Variants in LGSN observed in about 807,000 individuals in gnomAD.
LGSN encodes the protein lengsin, lens protein with glutamine synthetase domain.
In LGSN, 21 loss-of-function variants were observed where a neutral mutation model predicts 19.5. That is an observed-to-expected ratio of 1.07 (90% CI 0.76 to 1.55). LGSN has a LOEUF of 1.55. Ranked by LOEUF, LGSN falls within the 40% of genes most tolerant of loss-of-function variation. The pLI is 0.00. For missense variants in LGSN, 673 were observed against 608.5 expected (o/e 1.11, Z -1.12); for synonymous variants, 257 against 215.6 (o/e 1.19, Z -1.68).
At chr6:63,400,162 G>A in the LGSN span, among the ~76,000 whole-genome samples, 1 of 152,102 alleles carries the variant, frequency 6.6e-6, no homozygotes, top group Non-Finnish European at 1.5e-5. Context: ...GTTGAATCAA[G>A]TCCATGAAAC....
chr6:63,547,263 C>T, the LGSN span, among the ~76,000 whole-genome samples: 1 of 148,684 alleles, frequency 6.7e-6, no homozygotes, highest in African/African-American at 2.5e-5. Flanking sequence ...GATCTCAGCA[C>T]ACTGCAACCT....
At chr6:63,479,811 CT>C in the LGSN span, among the ~76,000 whole-genome samples, 1 of 152,324 alleles carries the variant, frequency 6.6e-6, no homozygotes, top group East Asian at 1.9e-4. Context: ...ATCTGAGACT[CT>C]GTTTAATTGA....
At chr6:63,295,109 C>G in intron 1 of LGSN, 64 bp from the exon 2 acceptor site, 1 of 1,481,582 alleles carries the variant, frequency 6.7e-7, no homozygotes, top group Non-Finnish European at 9.4e-7. Flanking sequence ...ATTTGGATGT[C>G]GAAAGAGTAT....
At chr6:63,469,877 C>G in the LGSN span, among the ~76,000 whole-genome samples, 2 of 152,046 alleles carry the variant, frequency 1.3e-5, no homozygotes, top group African/African-American at 2.4e-5. Context: ...CCACCACACC[C>G]GGCTAATTTT....
the LGSN span, chr6:63,395,856 T>A: frequency 6.5e-6 from 1 of 154,224 alleles, no homozygotes; most frequent in East Asian, 1.9e-4. Flanking sequence ...AACTGGGGCT[T>A]TCCTGGGCTC....
chr6:63,526,803 G>GTATATATATATA, the LGSN span, among the ~76,000 whole-genome samples: 681 of 101,346 alleles, frequency 6.7e-3, 6 homozygotes, highest in African/African-American at 0.012. Flanking sequence ...TCTCAAAAAT[G>GTATATATATATA]TATATATATA....
At chr6:63,513,174 A>G in the LGSN span, among the ~76,000 whole-genome samples, 1 of 152,178 alleles carries the variant, frequency 6.6e-6, no homozygotes, top group African/African-American at 2.4e-5. Flanking sequence ...TAGCTGTCAT[A>G]GTTCTAAATA....
the LGSN span, among the ~76,000 whole-genome samples, chr6:63,407,676 C>A: frequency 2.2e-4 from 34 of 152,206 alleles, no homozygotes; most frequent in Non-Finnish European, 3.4e-4. Flanking sequence ...GAAGTTCTGG[C>A]CAGGGCAATT....
At chr6:63,416,804 G>C in the LGSN span, among the ~76,000 whole-genome samples, 1 of 152,030 alleles carries the variant, frequency 6.6e-6, no homozygotes, top group Non-Finnish European at 1.5e-5. Flanking sequence ...CTGACCTCAA[G>C]TGATCTGCCC....
At chr6:63,415,490 G>C in the LGSN span, among the ~76,000 whole-genome samples, 2 of 152,192 alleles carry the variant, frequency 1.3e-5, no homozygotes, top group Non-Finnish European at 2.9e-5. Context: ...GAAAGGAGAA[G>C]TGCCGAGGGA....
At chr6:63,392,881 C>CTTTT in the LGSN span, among the ~76,000 whole-genome samples, 166 of 109,884 alleles carry the variant, frequency 1.5e-3, no homozygotes, top group Non-Finnish European at 1.9e-3. Context: ...TCTTCTTCTT[C>CTTTT]TTTTTTTTTT....
At chr6:63,415,543 C>T in the LGSN span, among the ~76,000 whole-genome samples, 1 of 152,176 alleles carries the variant, frequency 6.6e-6, no homozygotes, top group Non-Finnish European at 1.5e-5. Flanking sequence ...CTTATAAGAA[C>T]TCACTATCAT....
the LGSN span, among the ~76,000 whole-genome samples, chr6:63,374,619 G>A: frequency 5.9e-5 from 9 of 152,194 alleles, no homozygotes; most frequent in Non-Finnish European, 8.8e-5. Flanking sequence ...TACTGCCACT[G>A]TAACAAATTA....
chr6:63,364,281 C>CA, the LGSN span, among the ~76,000 whole-genome samples: 1 of 151,828 alleles, frequency 6.6e-6, no homozygotes, highest in Non-Finnish European at 1.5e-5. Context: ...AAACGGGTTG[C>CA]AATCCCAGTC....
intron 1 of LGSN, among the ~76,000 whole-genome samples, chr6:63,295,797 C>T (rs1767960077): frequency 6.6e-6 from 1 of 151,868 alleles, no homozygotes; most frequent in African/African-American, 2.4e-5. Flanking sequence ...TAACAGTGCA[C>T]AGAGTCACCC....
At chr6:63,343,134 T>C in the LGSN span, among the ~76,000 whole-genome samples, 4 of 152,216 alleles carry the variant, frequency 2.6e-5, no homozygotes, top group South Asian at 8.3e-4. Flanking sequence ...AATATAATAG[T>C]TTGAATAATG....
chr6:63,429,774 G>A, the LGSN span, among the ~76,000 whole-genome samples: 1 of 151,130 alleles, frequency 6.6e-6, no homozygotes, highest in East Asian at 1.9e-4. Flanking sequence ...GGGATTACAG[G>A]AGCTGACTCA....
the LGSN span, among the ~76,000 whole-genome samples, chr6:63,389,942 A>G: frequency 6.6e-6 from 1 of 151,902 alleles, no homozygotes; most frequent in Non-Finnish European, 1.5e-5. Flanking sequence ...TCCCCCACAA[A>G]AAAAAATGGT....
At chr6:63,556,369 C>T in the LGSN span, among the ~76,000 whole-genome samples, 9 of 150,444 alleles carry the variant, frequency 6.0e-5, no homozygotes, top group Non-Finnish European at 1.0e-4. Context: ...TTTGTAGAGA[C>T]GAGGTCTCAC....
Sources: gnomAD v4.1 joint callset for allele counts (sites outside exome capture counted in the v4.1 genomes callset) on GRCh38, gnomAD v4.1.1 for gene constraint, MANE v1.5 for transcripts, NCBI Gene and HGNC (gene_info 2026-07-23, HGNC 2026-07-21) for gene names.